The following QTMAN variants were observed in gnomAD, a reference collection of about 807,000 sequenced individuals.
QTMAN encodes queuosine-tRNA mannosyltransferase.
At chr2:144,164,178 C>T in the QTMAN span, among the ~76,000 whole-genome samples, 1 of 152,112 alleles carries the variant, frequency 6.6e-6, no homozygotes, top group African/African-American at 2.4e-5. Flanking sequence ...ACCACCTCTG[C>T]CTCCCAAAGT....
the QTMAN span, chr2:144,319,867 A>T: frequency 5.9e-5 from 9 of 152,168 alleles, no homozygotes; most frequent in African/African-American, 2.2e-4. Flanking sequence ...CATCAGTGTC[A>T]CCTATAAAAT....
chr2:144,297,916 G>A, the QTMAN span, among the ~76,000 whole-genome samples: 1 of 151,660 alleles, frequency 6.6e-6, no homozygotes. Context: ...AAAAGTCTTA[G>A]ATCATTAGGG....
At chr2:144,221,490 C>T in the QTMAN span, among the ~76,000 whole-genome samples, 83 of 152,064 alleles carry the variant, frequency 5.5e-4, no homozygotes, top group Non-Finnish European at 1.0e-3. Flanking sequence ...TATCATAATA[C>T]GAGAGAAAGA....
chr2:144,247,007 A>C, the QTMAN span, among the ~76,000 whole-genome samples: 1 of 152,244 alleles, frequency 6.6e-6, no homozygotes, highest in South Asian at 2.1e-4. Context: ...CAAGTGAGAA[A>C]ACTGAATAAA....
chr2:143,952,493 A>T, the QTMAN span, among the ~76,000 whole-genome samples: 6 of 151,572 alleles, frequency 4.0e-5, no homozygotes, highest in African/African-American at 1.4e-4. Flanking sequence ...AAGCAATTGC[A>T]GCAACACTGA....
the QTMAN span, among the ~76,000 whole-genome samples, chr2:143,992,540 A>T: frequency 2.6e-5 from 4 of 151,758 alleles, no homozygotes; most frequent in Non-Finnish European, 5.9e-5. Flanking sequence ...ATAAAAAAAT[A>T]AATAAATAAA....
chr2:144,253,761 A>G, the QTMAN span, among the ~76,000 whole-genome samples: 6 of 140,752 alleles, frequency 4.3e-5, no homozygotes, highest in Non-Finnish European at 9.3e-5. Flanking sequence ...AATGAAGTAG[A>G]AAAAAAAAAA....
chr2:144,265,927 A>C, the QTMAN span, among the ~76,000 whole-genome samples: 1 of 152,076 alleles, frequency 6.6e-6, no homozygotes. Context: ...TCAACTGCTC[A>C]CCTCTCCAAC....
At chr2:144,132,269 G>A in the QTMAN span, among the ~76,000 whole-genome samples, 2 of 151,874 alleles carry the variant, frequency 1.3e-5, no homozygotes, top group Non-Finnish European at 1.5e-5. Flanking sequence ...CTAATTTTTT[G>A]AGGCATATTT....
chr2:144,112,078 T>C, the QTMAN span, among the ~76,000 whole-genome samples: 2 of 152,248 alleles, frequency 1.3e-5, no homozygotes, highest in African/African-American at 2.4e-5. Flanking sequence ...AAGTATTACA[T>C]TGGTATAATA....
At chr2:144,096,319 A>T in the QTMAN span, among the ~76,000 whole-genome samples, 1 of 152,332 alleles carries the variant, frequency 6.6e-6, no homozygotes, top group East Asian at 1.9e-4. Flanking sequence ...AATAGTGAAG[A>T]TATCCACTTA....
chr2:143,960,757 T>A, the QTMAN span, among the ~76,000 whole-genome samples: 3 of 151,870 alleles, frequency 2.0e-5, no homozygotes, highest in African/African-American at 7.3e-5. Flanking sequence ...GTGTTTTCAA[T>A]ATACCTTTTT....
chr2:144,111,325 C>T, the QTMAN span, among the ~76,000 whole-genome samples: 5 of 152,202 alleles, frequency 3.3e-5, no homozygotes, highest in Non-Finnish European at 5.9e-5. Flanking sequence ...CCTTATTTCA[C>T]CGGGTTCACA....
At chr2:144,150,039 G>A in the QTMAN span, among the ~76,000 whole-genome samples, 1 of 151,914 alleles carries the variant, frequency 6.6e-6, no homozygotes, top group Non-Finnish European at 1.5e-5. Context: ...TTCTTCATGG[G>A]CTAGGTCACC....
chr2:144,216,131 T>G, the QTMAN span, among the ~76,000 whole-genome samples: 1 of 152,162 alleles, frequency 6.6e-6, no homozygotes, highest in African/African-American at 2.4e-5. Context: ...CTTCACACAT[T>G]TATCTCACCT....
chr2:144,203,198 C>T, the QTMAN span, among the ~76,000 whole-genome samples: 9 of 150,826 alleles, frequency 6.0e-5, no homozygotes, highest in Admixed American at 2.6e-4. Flanking sequence ...TGTGCACGTG[C>T]GCACGCACAC....
At chr2:144,308,988 G>A in the QTMAN span, among the ~76,000 whole-genome samples, 1 of 152,112 alleles carries the variant, frequency 6.6e-6, no homozygotes, top group Non-Finnish European at 1.5e-5. Context: ...CACAAAAGAA[G>A]TTATATAAAT....
chr2:144,124,589 C>T, the QTMAN span, among the ~76,000 whole-genome samples: 1 of 152,066 alleles, frequency 6.6e-6, no homozygotes, highest in South Asian at 2.1e-4. Flanking sequence ...AAGCCACCAT[C>T]ACTGGGAGCT....
At chr2:144,001,996 C>T in the QTMAN span, among the ~76,000 whole-genome samples, 1 of 151,816 alleles carries the variant, frequency 6.6e-6, no homozygotes, top group South Asian at 2.1e-4. Context: ...TTCAAGGAGG[C>T]TGCAAAGTAA....
Sources: allele counts gnomAD v4.1 joint callset (sites outside exome capture counted in the v4.1 genomes callset), GRCh38; gene constraint gnomAD v4.1.1; transcripts MANE v1.5; gene names NCBI Gene and HGNC (gene_info 2026-07-23, HGNC 2026-07-21).